Variants in GSTM4 observed in about 807,000 individuals in gnomAD.
The protein encoded by GSTM4 is glutathione S-transferase mu 4, also known as GST class-mu 4.
A neutral mutation model predicts 30.1 loss-of-function variants in GSTM4; 27 were observed. That is an observed-to-expected ratio of 0.90 (90% CI 0.66 to 1.24). GSTM4 has a LOEUF of 1.24. Ranked by LOEUF, GSTM4 falls within the 50% of genes most tolerant of loss-of-function variation. The pLI, the probability that GSTM4 is intolerant of heterozygous loss-of-function variation, is 0.00. For missense variants in GSTM4, 238 were observed against 272.1 expected, an observed-to-expected ratio of 0.87 and a Z score of 0.88; for synonymous variants, 94 against 96.2, an observed-to-expected ratio of 0.98 and a Z score of 0.13.
chr1:109,656,808 G>A (rs778580839), intron 2 of GSTM4, 21 bp downstream of exon 2: 46 of 1,609,610 alleles, frequency 2.9e-5, no homozygotes, highest in Middle Eastern at 3.3e-4. Flanking sequence ...CCTTGTGTCC[G>A]GGCTCTGCCC....
At chr1:109,663,990 G>C (rs1187780270), downstream of GSTM4, among the ~76,000 whole-genome samples, 1 of 152,172 alleles carries the variant, frequency 6.6e-6, no homozygotes, top group Admixed American at 6.5e-5. Context: ...TTGGATAGGT[G>C]AGATTGATGG....
intron 2 of GSTM4, 180 bp from the exon 3 acceptor site, chr1:109,657,035 T>G: frequency 1.3e-6 from 1 of 798,724 alleles, no homozygotes; most frequent in Non-Finnish European, 2.2e-6. Context: ...GCCTTAGCCG[T>G]GTGGGGTCCA....
chr1:109,658,100 C>T, intron 5 of GSTM4: 6 of 556,502 alleles, frequency 1.1e-5, no homozygotes, highest in South Asian at 2.1e-5. Flanking sequence ...ACAATAAAGT[C>T]ATGCGTTCAG....
At position 109,661,654 on chromosome 1, in the gene GSTM4, T is replaced by C. The variant is rs758994475; in HGVS notation, c.*400T>C. ...GTTTACAGGCCCTGCTCCTGCAGCA[T>C]GGCCCCTGCCTTAGGCCTACCTGAT... On this transcript the variant is annotated 3_prime_UTR_variant, in exon 8 of 8. Transcript: ENST00000369836. The C allele has an allele frequency of 2.1e-5, 24 of 1,154,578 alleles. No individual in the cohort carries two copies. Among genetic ancestry groups the C allele is most frequent in the Admixed American group, 4.4e-5 (1 of 22,848 alleles). The allele number at this position is 1,154,578 out of a possible 1,614,324, so 71.5% of individuals were successfully genotyped here. A position where few individuals can be genotyped will look rare whatever the true frequency, so the allele number is the denominator to read the frequency against.
At position 109,657,638 on chromosome 1, in the gene GSTM4, A is replaced by G. The variant is rs1652085425; in HGVS notation, c.226A>G (p.Ile76Val). The change falls in exon 4 of 8, where the codon ATC becomes GTC. Residue 76 changes from isoleucine (I) to valine (V), a missense_variant. Coordinates refer to ENST00000369836, the MANE Select transcript of GSTM4 (RefSeq NM_000850.5). ...GAHKITQSNA[I>V]LCYIARKHNL... ...TCACAAGATCACCCAGAGCAACGCC[A>G]TCCTGTGCTACATTGCCCGCAAGCA... The G allele has an allele frequency of 6.2e-7, 1 of 1,614,216 alleles. No homozygotes were observed. The highest frequency in any genetic ancestry group is 8.5e-7 in the Non-Finnish European group (1 of 1,180,030).
At chr1:109,662,017 G>A (rs1188419868), downstream of GSTM4, among the ~76,000 whole-genome samples, 2 of 152,076 alleles carry the variant, frequency 1.3e-5, no homozygotes, top group Non-Finnish European at 2.9e-5. Context: ...TTGTAGAGAT[G>A]TGTCTCTTTA....
chr1:109,656,523 A>G lies in GSTM4; in HGVS notation c.36+98A>G, dbSNP rs374575470. The stretch of plus-strand genomic sequence containing the variant: ...TAGGGACGGTTCCCTCCTTAGGGCT[A>G]TCTCTCACAGGAGGGCCTGTGCATG... On this transcript the variant is annotated intron_variant, in intron 1 of 7. Transcript: ENST00000369836. 21 of 1,227,872 alleles carry G rather than the reference A, an allele frequency of 1.7e-5. No homozygotes were observed. The East Asian group carries it at 4.0e-4, about 23-fold the overall frequency. The allele number at this position is 1,227,872 out of a possible 1,614,324, so 76.1% of individuals were successfully genotyped here.
chr1:109,663,150 C>G (rs549435763), downstream of GSTM4, among the ~76,000 whole-genome samples: 3 of 152,266 alleles, frequency 2.0e-5, no homozygotes, highest in South Asian at 6.2e-4. Flanking sequence ...CGATCTCATT[C>G]CACTTACACG....
chr1:109,667,186 A>AAATAATAAT (rs78679006), downstream of GSTM4, among the ~76,000 whole-genome samples: 13 of 149,538 alleles, frequency 8.7e-5, no homozygotes, highest in East Asian at 3.9e-4. Flanking sequence ...ACTAATATTA[A>AAATAATAAT]AATAATAATA....
At chr1:109,658,971 C>T in intron 6 of GSTM4, 29 bp from the exon 7 acceptor site, 2 of 1,613,132 alleles carry the variant, frequency 1.2e-6, no homozygotes, top group South Asian at 1.1e-5. Context: ...TACAGAGATT[C>T]CAGCCCACAC....
downstream of GSTM4, among the ~76,000 whole-genome samples, chr1:109,665,891 G>GAAT (rs1179638205): frequency 6.6e-6 from 1 of 152,140 alleles, no homozygotes; most frequent in Non-Finnish European, 1.5e-5. Context: ...AGTGGAAGGG[G>GAAT]GCTGCCTCTG....
At chr1:109,656,669 G>A (rs1436670875) in intron 1 of GSTM4, 43 bp from the exon 2 acceptor site, 13 of 1,591,240 alleles carry the variant, frequency 8.2e-6, no homozygotes, top group Non-Finnish European at 1.1e-5. Flanking sequence ...ACCAAGTCAG[G>A]GACCCTCCAT....
chr1:109,661,837 C>CTT, downstream of GSTM4: 1 of 446,526 alleles, frequency 2.2e-6, no homozygotes, highest in Non-Finnish European at 3.0e-6. Context: ...GTGTTTCCAA[C>CTT]TTTGTTTTTT....
intron 7 of GSTM4, chr1:109,659,806 C>A: frequency 1.7e-6 from 1 of 594,192 alleles, no homozygotes; most frequent in South Asian, 1.4e-5. Flanking sequence ...AAGTGTTCCC[C>A]CTGTGAGATG....
downstream of GSTM4, among the ~76,000 whole-genome samples, chr1:109,662,901 A>G (rs1652363102): frequency 6.6e-6 from 1 of 152,262 alleles, no homozygotes; most frequent in East Asian, 1.9e-4. Context: ...TCCAAGAGCC[A>G]GGTATAATGA....
intron 5 of GSTM4, chr1:109,658,526 A>T (rs1030040207): frequency 1.2e-5 from 5 of 428,302 alleles, no homozygotes; most frequent in Non-Finnish European, 2.1e-5. Context: ...AGAGCCTGCC[A>T]GGTACTCAGG....
chr1:109,666,569 A>C (rs1647332204), downstream of GSTM4, among the ~76,000 whole-genome samples: 1 of 152,274 alleles, frequency 6.6e-6, no homozygotes, highest in South Asian at 2.1e-4. Flanking sequence ...CCTGATGTGC[A>C]GCTTGATGCC....
downstream of GSTM4, among the ~76,000 whole-genome samples, chr1:109,663,982 G>T (rs1198594329): frequency 6.6e-6 from 1 of 152,102 alleles, no homozygotes. Flanking sequence ...CTACTTCTTT[G>T]GATAGGTGAG....
downstream of GSTM4, among the ~76,000 whole-genome samples, chr1:109,664,352 T>TC (rs1647231768): frequency 1.6e-5 from 1 of 62,684 alleles, no homozygotes; most frequent in African/African-American, 7.2e-5. Flanking sequence ...TTTTTTTTTT[T>TC]TTTTTTTTTT....
Sources: allele counts gnomAD v4.1 joint callset (sites outside exome capture counted in the v4.1 genomes callset), GRCh38; gene constraint gnomAD v4.1.1; transcripts MANE v1.5; gene names NCBI Gene and HGNC (gene_info 2026-07-23, HGNC 2026-07-21).